Variants in PRRC2B observed in about 807,000 individuals in gnomAD.
PRRC2B encodes protein PRRC2B.
Under a neutral mutation model 242.3 loss-of-function variants are expected in PRRC2B, and 68 were observed. That is an observed-to-expected ratio of 0.28 (90% CI 0.23 to 0.34). PRRC2B has a LOEUF of 0.34. PRRC2B is among the 10% of genes least tolerant of loss of function. PRRC2B has a pLI of 1.00. For synonymous variants in PRRC2B, 1,228 were observed against 1,173.6 expected (o/e 1.05, Z -0.95); for missense variants, 2,835 against 2,954.8 (o/e 0.96, Z 0.94).
At chr9:131,439,826 C>T (rs983746481) in intron 5 of PRRC2B, among the ~76,000 whole-genome samples, 10 of 151,956 alleles carry the variant, frequency 6.6e-5, no homozygotes, top group East Asian at 3.9e-4. Context: ...CTCGATCTCC[C>T]GGGCTCAAGC....
At chr9:131,432,874 C>G in intron 3 of PRRC2B, 80 bp downstream of exon 3, 1 of 1,465,474 alleles carries the variant, frequency 6.8e-7, no homozygotes, top group Non-Finnish European at 9.4e-7. Context: ...GCAAACTAAC[C>G]CTAACCCTTT....
At position 131,479,112 on chromosome 9, in the gene PRRC2B, G is replaced by A. The variant is rs1943787273; in HGVS notation, c.4759-140G>A. ...GCTTGGCATCGCAGTTCTGCTTGAG[G>A]TTTTGGGAGACGAGCGTTCCACACA... On this transcript the variant is annotated intron_variant, in intron 18 of 31. Coordinates refer to ENST00000683519, the MANE Select transcript of PRRC2B (RefSeq NM_013318.4). 4 of 824,766 alleles carry A rather than the reference G, an allele frequency of 4.8e-6. No homozygotes were observed. The East Asian group carries it at 1.1e-4, about 22-fold the overall frequency. The allele number at this position is 824,766 out of a possible 1,614,324, so 51.1% of individuals were successfully genotyped here.
chr9:131,430,408 T>C, intron 2 of PRRC2B, 149 bp downstream of exon 2: 1 of 558,308 alleles, frequency 1.8e-6, no homozygotes, highest in Non-Finnish European at 3.2e-6. Flanking sequence ...ACTTCCTACT[T>C]GAGGTATGAT....
intron 9 of PRRC2B, among the ~76,000 whole-genome samples, chr9:131,451,988 T>C (rs954349801): frequency 6.6e-6 from 1 of 152,246 alleles, no homozygotes; most frequent in Non-Finnish European, 1.5e-5. Flanking sequence ...TGTAATTTTC[T>C]GTTCTTTTAA....
intron 5 of PRRC2B, among the ~76,000 whole-genome samples, chr9:131,443,796 G>A (rs1838693847): frequency 6.6e-6 from 1 of 152,168 alleles, no homozygotes; most frequent in Non-Finnish European, 1.5e-5. Context: ...TGTAGGTGTT[G>A]CCTCCACAGG....
chr9:131,484,524 C>G (rs535811087), intron 23 of PRRC2B, among the ~76,000 whole-genome samples, 162 bp from the exon 24 acceptor site: 51 of 152,206 alleles, frequency 3.4e-4, no homozygotes, highest in African/African-American at 1.1e-3. Context: ...TTCATAGACA[C>G]GGAGCTGTAG....
rs1046087403 is a variant in PRRC2B, at chr9:131,498,537, A to G, written c.*2663A>G. The G allele has an allele frequency of 1.3e-5, 2 of 152,376 alleles. No homozygotes were observed. Among genetic ancestry groups the G allele is most frequent in the African/African-American group, 4.8e-5 (2 of 41,594 alleles). The allele number at this position is 152,376 out of a possible 1,614,324, so 9.4% of individuals were successfully genotyped here. A position where few individuals can be genotyped will look rare whatever the true frequency, so the allele number is the denominator to read the frequency against. On this transcript the variant is annotated 3_prime_UTR_variant, in exon 32 of 32. Transcript: ENST00000683519. ...GCAGAGATGTTTTAAGGTGCAATAT[A>G]TCTCTTCCTTTCCCGTGGTTTTAGA... is the stretch of plus-strand genomic sequence containing the variant.
At chr9:131,440,172 G>A (rs763324660) in intron 5 of PRRC2B, among the ~76,000 whole-genome samples, 2 of 152,190 alleles carry the variant, frequency 1.3e-5, no homozygotes, top group Non-Finnish European at 1.5e-5. Context: ...CTCCCAGAGT[G>A]CTGGGATTAC....
rs1422490779 is a variant in PRRC2B at position 131,475,279 on chromosome 9, C to A, written c.3150C>A (p.Ile1050=). The A allele has an allele frequency of 6.2e-7, 1 of 1,612,334 alleles. No homozygotes were observed. Among genetic ancestry groups the A allele is most frequent in the Non-Finnish European group, 8.5e-7 (1 of 1,179,428 alleles). The change falls in exon 16 of 32, where the codon ATC becomes ATA. Residue 1050 remains isoleucine, a synonymous_variant. Coordinates refer to ENST00000683519, the MANE Select transcript of PRRC2B (RefSeq NM_013318.4). ...DVPPMKRNNW[I]FIDEEQAFGV... is the part of the protein sequence containing the mutation. ...CCCCCATGAAGAGAAATAACTGGAT[C>A]TTTATTGATGAGGAGCAAGCCTTTG...
chr9:131,434,689 G>A (rs954434644), intron 3 of PRRC2B, among the ~76,000 whole-genome samples: 2 of 152,200 alleles, frequency 1.3e-5, no homozygotes, highest in African/African-American at 4.8e-5. Context: ...ATAGAGTTTG[G>A]CTTCCATTTA....
chr9:131,394,785 G>A (rs1028717883), intron 1 of PRRC2B, among the ~76,000 whole-genome samples: 18 of 151,906 alleles, frequency 1.2e-4, no homozygotes, highest in African/African-American at 4.3e-4. Context: ...TCCTGGCGCG[G>A]GGTGGGCCGG....
intron 9 of PRRC2B, among the ~76,000 whole-genome samples, chr9:131,449,279 T>C (rs966735610): frequency 2.0e-5 from 3 of 152,200 alleles, no homozygotes; most frequent in African/African-American, 7.2e-5. Context: ...CCAAACCTTT[T>C]CCCCTGGTGG....
At chr9:131,455,571 C>T (rs548498970) in intron 10 of PRRC2B, among the ~76,000 whole-genome samples, 11 of 136,646 alleles carry the variant, frequency 8.1e-5, no homozygotes, top group African/African-American at 2.2e-4. Flanking sequence ...GGCTGGAGTG[C>T]GGTGGCATGA....
upstream of PRRC2B, among the ~76,000 whole-genome samples, chr9:131,389,915 G>GTTTTTTTT (rs1291046977): frequency 4.3e-5 from 4 of 93,470 alleles, no homozygotes; most frequent in African/African-American, 3.7e-5. Context: ...GAACATGGTT[G>GTTTTTTTT]TTTTTTTTTT....
At chr9:131,378,063 C>G (rs972938788) in intron 1 of PRRC2B, among the ~76,000 whole-genome samples, 2 of 152,132 alleles carry the variant, frequency 1.3e-5, no homozygotes, top group Admixed American at 6.6e-5. Context: ...GTAATCCCAG[C>G]ATTTTGGGAG....
intron 25 of PRRC2B, 96 bp downstream of exon 25, chr9:131,485,236 T>G (rs1418851197): frequency 9.6e-7 from 1 of 1,043,448 alleles, no homozygotes; most frequent in Non-Finnish European, 1.4e-6. Context: ...TGGCCTTGTC[T>G]TAAGTAGCAT....
intron 3 of PRRC2B, among the ~76,000 whole-genome samples, chr9:131,433,662 A>G (rs956064821): frequency 3.9e-5 from 6 of 152,214 alleles, no homozygotes; most frequent in Admixed American, 3.9e-4. Flanking sequence ...GTCTGGCGGC[A>G]GCGCCCTCCT....
chr9:131,382,747 C>A (rs895931624), intron 1 of PRRC2B, among the ~76,000 whole-genome samples: 1 of 151,822 alleles, frequency 6.6e-6, no homozygotes, highest in Non-Finnish European at 1.5e-5. Flanking sequence ...CAAGCTCAAG[C>A]GAATCTCCTG....
intron 1 of PRRC2B, among the ~76,000 whole-genome samples, chr9:131,398,932 C>A (rs1478425114): frequency 6.6e-6 from 1 of 151,554 alleles, no homozygotes; most frequent in Non-Finnish European, 1.5e-5. Flanking sequence ...GAGCCGTGAT[C>A]ATGCCACTGC....
Sources: gnomAD v4.1 joint callset for allele counts (sites outside exome capture counted in the v4.1 genomes callset) on GRCh38, gnomAD v4.1.1 for gene constraint, MANE v1.5 for transcripts, NCBI Gene and HGNC (gene_info 2026-07-23, HGNC 2026-07-21) for gene names.